Variants in CNKSR2 observed in about 807,000 individuals in gnomAD.
CNKSR2 encodes CNK homolog protein 2.
Under a neutral mutation model 84.4 loss-of-function variants are expected in CNKSR2, and 14 were observed. The ratio of observed to expected loss-of-function variants is 0.17; its 90% CI spans 0.11 to 0.26. The LOEUF (loss-of-function observed/expected upper bound fraction) is 0.26, where lower values mean the gene tolerates loss of function less well. Among genes scored for constraint, CNKSR2 ranks in the 10% least tolerant of loss-of-function variants. CNKSR2 has a pLI of 1.00. For missense variants in CNKSR2, 485 were observed against 771.2 expected (o/e 0.63, Z 4.40); for synonymous variants, 275 against 277.9 (o/e 0.99, Z 0.10).
At chrX:21,488,447 C>G (rs764958675) in intron 5 of CNKSR2, among the ~76,000 whole-genome samples, 4 of 111,775 alleles carry the variant, frequency 3.6e-5, no homozygotes, top group Non-Finnish European at 7.5e-5. Flanking sequence ...ACACAGCAAT[C>G]ATTGGCAGTG....
intron 15 of CNKSR2, chrX:21,593,725 C>G (rs2092434751): frequency 9.0e-6 from 1 of 111,305 alleles, no homozygotes; most frequent in South Asian, 3.8e-4. Context: ...GAAAAATGAC[C>G]TTTATATATA....
chrX:21,571,653 C>T (rs979557595), intron 13 of CNKSR2, among the ~76,000 whole-genome samples: 4 of 111,910 alleles, frequency 3.6e-5, no homozygotes, highest in African/African-American at 1.3e-4. Context: ...CATCCTGACT[C>T]CAAAATTCAC....
chrX:21,590,813 T>A (rs1310576835), intron 14 of CNKSR2, 193 bp downstream of exon 14: 1 of 469,192 alleles, frequency 2.1e-6, no homozygotes, highest in African/African-American at 2.4e-5. Context: ...ATGATCTCAA[T>A]AAGTTTTGAG....
At position 21,610,138 on chromosome X, in the gene CNKSR2, G is replaced by A. The variant is rs7880122; in HGVS notation, c.2692+521G>A. Reference sequence around the variant, plus strand: ...AAAATCCAAAAGATAGTTTTTCCAAGGAGAGATTTCACATAGCATTTCTTT... The same window carrying A: ...AAAATCCAAAAGATAGTTTTTCCAAAGAGAGATTTCACATAGCATTTCTTT... On this transcript the variant is annotated intron_variant, in intron 20 of 21. Coordinates refer to ENST00000379510, the MANE Select transcript of CNKSR2 (RefSeq NM_014927.5). Among the ~76,000 whole-genome samples, 767 of 112,170 alleles carry A rather than the reference G, an allele frequency of 6.8e-3. 5 individuals carry two copies. Among genetic ancestry groups the A allele is most frequent in the African/African-American group, 0.024 (726 of 30,861 alleles).
intron 8 of CNKSR2, among the ~76,000 whole-genome samples, chrX:21,513,833 C>G (rs754601108): frequency 1.2e-4 from 13 of 111,731 alleles, no homozygotes; most frequent in Non-Finnish European, 2.5e-4. Flanking sequence ...AATTTTCCAT[C>G]CATAACAAAC....
chrX:21,506,267 A>G (rs1268121980), intron 8 of CNKSR2: 2 of 111,787 alleles, frequency 1.8e-5, no homozygotes, highest in Non-Finnish European at 3.8e-5. Flanking sequence ...GTATTCTAAA[A>G]TAGAACAAGT....
At chrX:21,647,554 C>CAG (rs765649252) in intron 20 of CNKSR2, among the ~76,000 whole-genome samples, 13 of 111,897 alleles carry the variant, frequency 1.2e-4, no homozygotes, top group Admixed American at 1.9e-4. Flanking sequence ...ATTCTGGGGT[C>CAG]AGACTGCCCA....
At chrX:21,554,237 T>A (rs184142562) in intron 11 of CNKSR2, among the ~76,000 whole-genome samples, 28 of 112,090 alleles carry the variant, frequency 2.5e-4, no homozygotes, top group African/African-American at 8.7e-4. Flanking sequence ...ATTTTCTCCT[T>A]TAGCAATTCT....
intron 11 of CNKSR2, 98 bp from the exon 12 acceptor site, chrX:21,561,369 AGAGT>A (rs1172272645): frequency 1.4e-5 from 9 of 623,117 alleles, no homozygotes; most frequent in East Asian, 3.3e-5. Flanking sequence ...ATGTTGCATA[AGAGT>A]GAGTGTGTTT....
intron 13 of CNKSR2, among the ~76,000 whole-genome samples, chrX:21,583,426 A>G (rs1057058005): frequency 9.8e-5 from 11 of 112,185 alleles, no homozygotes; most frequent in African/African-American, 3.6e-4. Context: ...GTTAAGAGAA[A>G]ACATTTTTTG....
At chrX:21,640,535 A>G (rs1339136464) in intron 20 of CNKSR2, among the ~76,000 whole-genome samples, 1 of 111,949 alleles carries the variant, frequency 8.9e-6, no homozygotes, top group Non-Finnish European at 1.9e-5. Flanking sequence ...GAACTATGCT[A>G]TATCTTGTTT....
chrX:21,623,637 A>G (rs1436356332), intron 20 of CNKSR2, among the ~76,000 whole-genome samples: 3 of 111,747 alleles, frequency 2.7e-5, no homozygotes, highest in Non-Finnish European at 5.7e-5. Context: ...AACTTGATTT[A>G]GCCCTTCAAA....
intron 21 of CNKSR2, among the ~76,000 whole-genome samples, chrX:21,652,062 T>G (rs1482117985): frequency 9.0e-6 from 1 of 111,409 alleles, no homozygotes; most frequent in African/African-American, 3.3e-5. Context: ...GAAAAAGGTT[T>G]CCATAGCAGA....
At chrX:21,394,244 A>T (rs369116549) in intron 1 of CNKSR2, among the ~76,000 whole-genome samples, 3 of 112,161 alleles carry the variant, frequency 2.7e-5, no homozygotes, top group East Asian at 5.5e-4. Flanking sequence ...TTAATGGAAA[A>T]GAATTTTTTA....
At chrX:21,600,460 G>C (rs1249852771) in intron 17 of CNKSR2, among the ~76,000 whole-genome samples, 1 of 111,994 alleles carries the variant, frequency 8.9e-6, no homozygotes, top group Non-Finnish European at 1.9e-5. Flanking sequence ...ATGGATTATG[G>C]CTCAGGATTG....
intron 11 of CNKSR2, among the ~76,000 whole-genome samples, chrX:21,557,949 T>G (rs187571583): frequency 1.9e-3 from 212 of 111,751 alleles, no homozygotes; most frequent in Non-Finnish European, 3.1e-3. Context: ...AAAAGTCATA[T>G]GAGTATAAAA....
chrX:21,586,471 A>G (rs2092389113), intron 13 of CNKSR2, among the ~76,000 whole-genome samples: 1 of 111,741 alleles, frequency 8.9e-6, no homozygotes, highest in African/African-American at 3.3e-5. Context: ...GAATGGAGGC[A>G]GAGACAGCAA....
intron 7 of CNKSR2, among the ~76,000 whole-genome samples, chrX:21,500,087 C>T (rs1449283516): frequency 9.1e-6 from 1 of 110,298 alleles, no homozygotes; most frequent in African/African-American, 3.3e-5. Flanking sequence ...AATATGTCCC[C>T]CTCCTAAAGG....
Position 21,609,635 on chromosome X carries a change from G to C in CNKSR2, c.2692+18G>C, listed in dbSNP as rs1409511716. 3.4e-6 allele frequency: 4 copies of C among 1,164,442 alleles called. No homozygotes were observed. The African/African-American group carries it at 5.3e-5, about 16-fold the overall frequency. On this transcript the variant is annotated intron_variant, in intron 20 of 21. Coordinates refer to ENST00000379510, the MANE Select transcript of CNKSR2 (RefSeq NM_014927.5). ...AGAAAAAAGTAAGTATGTTTCTGGA[G>C]ATTCTTAGCCTGTGTACACAAAGTC... is the stretch of plus-strand genomic sequence containing the variant.
Sources: allele counts gnomAD v4.1 joint callset (sites outside exome capture counted in the v4.1 genomes callset), GRCh38; gene constraint gnomAD v4.1.1; transcripts MANE v1.5; gene names NCBI Gene and HGNC (gene_info 2026-07-23, HGNC 2026-07-21).